The following GRM5 variants were observed in gnomAD, a reference collection of about 807,000 sequenced individuals.
GRM5 encodes glutamate metabotropic receptor 5, also known as metabotropic glutamate receptor 5.
A neutral mutation model predicts 83.1 loss-of-function variants in GRM5; 19 were observed. That is an observed-to-expected ratio of 0.23 (90% CI 0.16 to 0.34). The LOEUF (loss-of-function observed/expected upper bound fraction) is 0.34. Ranked by LOEUF, GRM5 falls within the 10% of genes least tolerant of loss-of-function variation. The pLI, the probability that GRM5 is intolerant of heterozygous loss-of-function variation, is 1.00. For missense variants in GRM5, 1,160 were observed against 1,588.3 expected (o/e 0.73, Z 4.58); for synonymous variants, 675 against 633.6 (o/e 1.07, Z -0.98).
chr11:88,663,900 A>G (rs1164625978), intron 3 of GRM5, among the ~76,000 whole-genome samples: 2 of 152,190 alleles, frequency 1.3e-5, no homozygotes, highest in African/African-American at 4.8e-5. Flanking sequence ...GAGGATATCA[A>G]TGAATATAAA....
chr11:89,032,665 T>C (rs946841874), intron 2 of GRM5, among the ~76,000 whole-genome samples: 22 of 152,082 alleles, frequency 1.4e-4, no homozygotes, highest in Non-Finnish European at 2.2e-4. Context: ...ATATTGATAA[T>C]CATCCCTTTT....
In GRM5 at chr11:88,982,633, T is replaced by A. The variant is rs182039324; in HGVS notation, c.661+64579A>T. ...CACACAATTTATCTATTTTTTGTTT[T>A]ATACACACACAATAAATCTTTAAAA... On this transcript the variant is annotated intron_variant, in intron 2 of 9. Transcript: ENST00000305447. Among the ~76,000 whole-genome samples, 349 of 152,324 alleles carry A rather than the reference T, an allele frequency of 2.3e-3. 3 individuals are homozygous for A. Among genetic ancestry groups the A allele is most frequent in the African/African-American group, 8.0e-3 (332 of 41,584 alleles).
chr11:88,757,171 G>T lies in GRM5; in HGVS notation c.911+92735C>A, dbSNP rs137874664. Among the ~76,000 whole-genome samples, 528 of 152,244 alleles carry T rather than the reference G, an allele frequency of 3.5e-3. 2 individuals carry two copies. Among genetic ancestry groups the T allele is most frequent in the African/African-American group, 0.012 (504 of 41,558 alleles). On this transcript the variant is annotated intron_variant, in intron 3 of 9. Coordinates refer to ENST00000305447, the MANE Select transcript of GRM5 (RefSeq NM_001143831.3). ...CAGTCAAAGGAAAAAAAACCGATCT[G>T]TCAAATGAGAATTCCATATCTGGCA...
rs10526384 is a variant in GRM5, at chr11:88,584,205, T to TACACACAC, written c.1690+6388_1690+6395dup. ...TAATATTTTGTCATATGTTTCAAAT[T>TACACACAC]ACACACACACACACACACACACACA... On this transcript the variant is annotated intron_variant, in intron 7 of 9. Transcript: ENST00000305447. Among the ~76,000 whole-genome samples the TACACACAC allele has an allele frequency of 3.1e-3, 453 of 144,298 alleles. 2 individuals carry two copies. Among genetic ancestry groups the TACACACAC allele is most frequent in the African/African-American group, 0.011 (419 of 39,350 alleles). 94.7% of individuals were successfully genotyped at this position (144,298 alleles called of 152,430 possible).
In GRM5 at chr11:89,064,710, A is replaced by T. The variant is rs192090311; in HGVS notation, c.-201+1066T>A. On this transcript the variant is annotated intron_variant, in intron 1 of 9. Transcript: ENST00000305447. ...TGTTCAAGGTCATGTTTCTCTAGAG[A>T]TCTGTCCAGGAACTACCTAGGGTAG... Among the ~76,000 whole-genome samples, 166 of 151,884 alleles carry T rather than the reference A, an allele frequency of 1.1e-3. 1 individual carries two copies. The highest frequency in any genetic ancestry group is 3.9e-3 in the African/African-American group (160 of 41,472).
At chr11:88,998,734 G>T (rs767000582) in intron 2 of GRM5, among the ~76,000 whole-genome samples, 21 of 152,142 alleles carry the variant, frequency 1.4e-4, no homozygotes, top group Admixed American at 5.9e-4. Context: ...GTTCAGCAAA[G>T]CTTCAGTATT....
At chr11:88,514,581 A>T (rs186608574) in intron 9 of GRM5, among the ~76,000 whole-genome samples, 1 of 152,184 alleles carries the variant, frequency 6.6e-6, no homozygotes, top group Non-Finnish European at 1.5e-5. Flanking sequence ...AATGGAATTT[A>T]TAATTCAATA....
chr11:88,825,025 T>C (rs1430027569), intron 3 of GRM5, among the ~76,000 whole-genome samples: 2 of 152,234 alleles, frequency 1.3e-5, no homozygotes, highest in African/African-American at 2.4e-5. Context: ...TATGAGCTCA[T>C]GTGAAAACTT....
At chr11:88,544,837 G>A (rs1942353714) in intron 8 of GRM5, among the ~76,000 whole-genome samples, 1 of 152,170 alleles carries the variant, frequency 6.6e-6, no homozygotes, top group Non-Finnish European at 1.5e-5. Context: ...AGTGCTCTTG[G>A]TACCAACGAA....
chr11:88,575,912 T>G (rs1943100349), intron 7 of GRM5, among the ~76,000 whole-genome samples: 1 of 152,184 alleles, frequency 6.6e-6, no homozygotes, highest in Non-Finnish European at 1.5e-5. Flanking sequence ...TTTTTATTTT[T>G]GTTTTTTTTA....
chr11:88,917,397 A>G (rs917570726), intron 2 of GRM5, among the ~76,000 whole-genome samples: 1 of 152,188 alleles, frequency 6.6e-6, no homozygotes, highest in African/African-American at 2.4e-5. Flanking sequence ...TCAGACTGCA[A>G]TGATTAGAAT....
chr11:88,874,600 A>T (rs1337296879), intron 2 of GRM5, among the ~76,000 whole-genome samples: 1 of 151,980 alleles, frequency 6.6e-6, no homozygotes, highest in Admixed American at 6.6e-5. Flanking sequence ...AGAGAATTAT[A>T]TCAAACTAAA....
At chr11:88,774,683 T>C (rs556606250) in intron 3 of GRM5, among the ~76,000 whole-genome samples, 25 of 152,146 alleles carry the variant, frequency 1.6e-4, no homozygotes, top group Non-Finnish European at 1.2e-4. Flanking sequence ...TTGATGAAGG[T>C]CTTTTCTGCA....
chr11:88,852,107 G>A (rs572590508), intron 2 of GRM5, among the ~76,000 whole-genome samples: 8 of 152,212 alleles, frequency 5.3e-5, no homozygotes, highest in South Asian at 2.1e-4. Flanking sequence ...TGAATTTATC[G>A]AGAATTTCAC....
intron 2 of GRM5, among the ~76,000 whole-genome samples, chr11:88,901,389 G>A (rs1027926688): frequency 2.0e-5 from 3 of 152,062 alleles, no homozygotes; most frequent in African/African-American, 7.2e-5. Context: ...ATAATTGTAA[G>A]CTATATACAA....
intron 2 of GRM5, among the ~76,000 whole-genome samples, chr11:88,970,157 TTGTG>T (rs1401721707): frequency 1.3e-5 from 2 of 152,066 alleles, no homozygotes; most frequent in Non-Finnish European, 2.9e-5. Context: ...GTTTAAGATG[TTGTG>T]TGTGTTTGTG....
chr11:88,716,454 G>T (rs900767343), intron 3 of GRM5, among the ~76,000 whole-genome samples: 2 of 151,888 alleles, frequency 1.3e-5, no homozygotes, highest in East Asian at 3.9e-4. Context: ...TGGCCCCAAT[G>T]AGGAATACCC....
intron 2 of GRM5, among the ~76,000 whole-genome samples, chr11:88,916,162 A>C (rs1244195709): frequency 6.6e-6 from 1 of 152,216 alleles, no homozygotes; most frequent in Admixed American, 6.5e-5. Flanking sequence ...ACCAAATTGA[A>C]CAACTGTCTA....
chr11:88,953,122 G>A (rs1050513944), intron 2 of GRM5, among the ~76,000 whole-genome samples: 2 of 152,138 alleles, frequency 1.3e-5, no homozygotes, highest in Non-Finnish European at 2.9e-5. Context: ...TGATGTTCTA[G>A]ATCAAATTTA....
Sources: allele counts gnomAD v4.1 joint callset (sites outside exome capture counted in the v4.1 genomes callset), GRCh38; gene constraint gnomAD v4.1.1; transcripts MANE v1.5; gene names NCBI Gene and HGNC (gene_info 2026-07-23, HGNC 2026-07-21).